NCDN: variants seen among roughly 807,000 people sequenced by gnomAD.
NCDN encodes the protein neurochondrin, also known as norbin.
A neutral mutation model predicts 60.7 loss-of-function variants in NCDN; 9 were observed. The ratio of observed to expected loss-of-function variants is 0.15; its 90% CI spans 0.09 to 0.26. The LOEUF (loss-of-function observed/expected upper bound fraction) is 0.26, where lower values mean the gene tolerates loss of function less well. Ranked by LOEUF, NCDN falls within the 10% of genes least tolerant of loss-of-function variation. The pLI, the probability that NCDN is intolerant of heterozygous loss-of-function variation, is 1.00. For missense variants in NCDN, 578 were observed against 975.2 expected (o/e 0.59, Z 5.42); for synonymous variants, 409 against 442.5 (o/e 0.92, Z 0.95).
chr1:35,560,856 C>T lies in NCDN; in HGVS notation c.705C>T (p.Ala235=), dbSNP rs1425110172. The change falls in exon 3 of 7, where the codon GCC becomes GCT. Residue 235 remains alanine, a synonymous_variant. Coordinates refer to ENST00000373243, the MANE Select transcript of NCDN (RefSeq NM_014284.3). This position sits in a 1 kb window ranked among gnomAD's most constrained non-coding sequence, Gnocchi z 7.6. The stretch of plus-strand genomic sequence containing the variant: ...AGGATTTCCAGAAAGCTGAGGATGC[C>T]AGCAAGTTTGAGCTCTGCCAGCTGC... ...LSEDFQKAED[A]SKFELCQLLP... 1.9e-6 allele frequency: 3 copies of T among 1,614,078 alleles called. No individual in the cohort carries two copies. The highest frequency in any genetic ancestry group is 4.5e-5 in the East Asian group (2 of 44,896).
rs768539494 is a variant in NCDN, at chr1:35,565,703, GGGAAGGA to G, written c.*43_*49del. On this transcript the variant is annotated 3_prime_UTR_variant, in exon 7 of 7. Coordinates refer to ENST00000373243, the MANE Select transcript of NCDN (RefSeq NM_014284.3). This position sits in a 1 kb window ranked among gnomAD's most constrained non-coding sequence, Gnocchi z 8.9. ...GGACAGACCCAGGGGCGGGCAGAGA[GGGAAGGA>G]GGGAGGAGGCATCTTCCCTGAAGCC... The G allele has an allele frequency of 6.7e-7, 1 of 1,502,046 alleles. No homozygotes were observed. Among genetic ancestry groups the G allele is most frequent in the African/African-American group, 1.4e-5 (1 of 72,414 alleles). 93.0% of individuals were successfully genotyped at this position (1,502,046 alleles called of 1,614,324 possible). A position where few individuals can be genotyped will look rare whatever the true frequency, so the allele number is the denominator to read the frequency against.
intron 2 of NCDN, among the ~76,000 whole-genome samples, chr1:35,559,675 G>C (rs1196435453): frequency 1.3e-5 from 2 of 150,986 alleles, no homozygotes; most frequent in Non-Finnish European, 2.9e-5. Flanking sequence ...AGCTAGTTTG[G>C]GGCTTAGCCT....
chr1:35,564,337 A>G (rs182730099), intron 6 of NCDN, among the ~76,000 whole-genome samples: 16 of 151,908 alleles, frequency 1.1e-4, no homozygotes, highest in East Asian at 7.8e-4. Context: ...GTGTCCCTCT[A>G]TGCACACCTT....
Position 35,566,072 on chromosome 1 carries a change from G to A in NCDN, c.*409G>A, listed in dbSNP as rs1648864433. On this transcript the variant is annotated 3_prime_UTR_variant, in exon 7 of 7. Transcript: ENST00000373243. This position sits in a 1 kb window ranked among gnomAD's most constrained non-coding sequence, Gnocchi z 5.3. ...GCCGGCCAGGGCGTGGGCTCCCCTC[G>A]GCTGTGGTGCCTCCTCTGGCCCCCC... 1.0e-5 allele frequency: 2 copies of A among 197,856 alleles called. No homozygotes were observed. The highest frequency in any genetic ancestry group is 2.4e-5 in the African/African-American group (1 of 42,206). The allele number at this position is 197,856 out of a possible 1,614,324, so 12.3% of individuals were successfully genotyped here.
In NCDN at chr1:35,561,015, G is replaced by A. The variant is rs1648685123; in HGVS notation, c.864G>A (p.Leu288=). Residue 288 remains leucine (L), a synonymous_variant, in exon 3 of 7, where the codon CTG becomes CTA. Transcript: ENST00000373243. This position sits in a 1 kb window ranked among gnomAD's most constrained non-coding sequence, Gnocchi z 4.9. ...CTGCACTGAAGCTGGCAGCCCGCCT[G>A]GCACACGCCTGCGGCTCCGACTGGA... is the stretch of plus-strand genomic sequence containing the variant. The part of the protein sequence containing the change: ...RNPALKLAAR[L]AHACGSDWIP... 1 of 1,612,644 alleles carries A rather than the reference G, an allele frequency of 6.2e-7. No homozygotes were observed.
Position 35,562,740 on chromosome 1 carries a change from C to T in NCDN, c.1385+107C>T. On this transcript the variant is annotated intron_variant, in intron 4 of 6. Coordinates refer to ENST00000373243, the MANE Select transcript of NCDN (RefSeq NM_014284.3). This position sits in a 1 kb window ranked among gnomAD's most constrained non-coding sequence, Gnocchi z 6.8. ...AGCTGTGCCAGGCTTCCTGATTGGG[C>T]CATGAGATATCCCTTAGGGTTATTT... 2.8e-6 allele frequency: 4 copies of T among 1,408,028 alleles called. 1 individual carries two copies. In the South Asian group the frequency reaches 5.7e-5, roughly 20 times the overall value. 87.2% of individuals were successfully genotyped at this position (1,408,028 alleles called of 1,614,324 possible).
rs140348877 is a variant in NCDN, at chr1:35,561,126, G to T, written c.975G>T (p.Thr325=). The T allele has an allele frequency of 1.9e-5, 30 of 1,612,584 alleles. No homozygotes were observed. The South Asian group carries it at 1.9e-4, about 10-fold the overall frequency. Residue 325 remains threonine, a synonymous_variant, in exon 3 of 7, where the codon ACG becomes ACT. Coordinates refer to ENST00000373243, the MANE Select transcript of NCDN (RefSeq NM_014284.3). This position sits in a 1 kb window ranked among gnomAD's most constrained non-coding sequence, Gnocchi z 4.9. ...CVEVRLALEE[T]GTEVKEDVVT... ...AAGTGCGGCTGGCACTGGAGGAGAC[G>T]GGCACGGAGGTGAAAGAGGATGTGG...
chr1:35,558,824 TGAG>T lies in NCDN; in HGVS notation c.34-279_34-277del. The T allele has an allele frequency of 1.4e-6, 1 of 731,384 alleles. No homozygotes were observed. The highest frequency in any genetic ancestry group is 1.8e-5 in the African/African-American group (1 of 56,698). 45.3% of individuals were successfully genotyped at this position (731,384 alleles called of 1,614,324 possible). A position where few individuals can be genotyped will look rare whatever the true frequency, so the allele number is the denominator to read the frequency against. ...CTCCCGCCCACCCCCAGGAGACTGG[TGAG>T]GAGAGCTGTCCGGCTGAGCAGCAGC... On this transcript the variant is annotated intron_variant, in intron 1 of 6. Transcript: ENST00000373243. This position sits in a 1 kb window ranked among gnomAD's most constrained non-coding sequence, Gnocchi z 6.3.
chr1:35,562,706 C>A lies in NCDN; in HGVS notation c.1385+73C>A. On this transcript the variant is annotated intron_variant, in intron 4 of 6. Transcript: ENST00000373243. This position sits in a 1 kb window ranked among gnomAD's most constrained non-coding sequence, Gnocchi z 6.8. ...GCGTTAACACAAGGACACCCCTCCCCACAAACTGAGCTGTGCCAGGCTTCC... is the reference window on the plus strand; with the variant it reads ...GCGTTAACACAAGGACACCCCTCCCAACAAACTGAGCTGTGCCAGGCTTCC... The A allele has an allele frequency of 6.6e-7, 1 of 1,516,284 alleles. No individual in the cohort carries two copies. Among genetic ancestry groups the A allele is most frequent in the Non-Finnish European group, 8.9e-7 (1 of 1,127,152 alleles). The allele number at this position is 1,516,284 out of a possible 1,614,324, so 93.9% of individuals were successfully genotyped here.
At position 35,563,332 on chromosome 1, in the gene NCDN, G is replaced by A. The variant is rs768006525; in HGVS notation, c.1516G>A (p.Asp506Asn). ...QQWELTSPGHDTSVLPDSVEI... is the reference protein window; with the variant it reads ...QQWELTSPGHNTSVLPDSVEI... Reference sequence around the variant, plus strand: ...GTGGGAACTCACATCCCCTGGCCACGACACCTCGGTGCTGCCTGACAGCGT... The same window carrying A: ...GTGGGAACTCACATCCCCTGGCCACAACACCTCGGTGCTGCCTGACAGCGT... The change falls in exon 5 of 7, where the codon GAC becomes AAC. Residue 506 changes from aspartate (D) to asparagine (N), a missense_variant. Coordinates refer to ENST00000373243, the MANE Select transcript of NCDN (RefSeq NM_014284.3). The surrounding 1 kb of genome is among the most constrained non-coding windows in gnomAD (Gnocchi z 6.6). 9.9e-6 allele frequency: 16 copies of A among 1,614,164 alleles called. No homozygotes were observed. Among genetic ancestry groups the A allele is most frequent in the South Asian group, 3.3e-5 (3 of 91,080 alleles).
Position 35,557,984 on chromosome 1 carries a change from TCCATCGCGCCATATCGCGACA to T in NCDN, c.-200_-180del, listed in dbSNP as rs996555747. ...CACACCCCGGGGACCCTATCGCGAC[TCCATCGCGCCATATCGCGACA>T]CCATCGTGCCCTGTCGAGACTCCAT... is the stretch of plus-strand genomic sequence containing the variant. On this transcript the variant is annotated 5_prime_UTR_variant, in exon 1 of 7. Coordinates refer to ENST00000373243, the MANE Select transcript of NCDN (RefSeq NM_014284.3). 4 of 757,730 alleles carry T rather than the reference TCCATCGCGCCATATCGCGACA, an allele frequency of 5.3e-6. No homozygotes were observed. The Admixed American group carries it at 8.1e-5, about 15-fold the overall frequency. The allele number at this position is 757,730 out of a possible 1,614,324, so 46.9% of individuals were successfully genotyped here.
Position 35,563,560 on chromosome 1 carries a change from T to TAGG in NCDN, c.1610+136_1610+137insGAG. 1 of 1,096,556 alleles carries TAGG rather than the reference T, an allele frequency of 9.1e-7. No homozygotes were observed. The highest frequency in any genetic ancestry group is 1.3e-6 in the Non-Finnish European group (1 of 760,324). 67.9% of individuals were successfully genotyped at this position (1,096,556 alleles called of 1,614,324 possible). A position where few individuals can be genotyped will look rare whatever the true frequency, so the allele number is the denominator to read the frequency against. On this transcript the variant is annotated intron_variant, in intron 5 of 6. Transcript: ENST00000373243. The surrounding 1 kb of genome is among the most constrained non-coding windows in gnomAD (Gnocchi z 6.6). ...TAGTGGTAGCATGGGGGTCTCAGAG[T>TAGG]AGACATAGCCAGCCCCGCACAAGGA...
chr1:35,558,101 C>T lies in NCDN; in HGVS notation c.-90C>T. 6.4e-7 allele frequency: 1 copy of T among 1,569,852 alleles called. No homozygotes were observed. The highest frequency in any genetic ancestry group is 8.7e-7 in the Non-Finnish European group (1 of 1,143,518). ...GCCCTGTCATCTTTGGGGGCTGTCT[C>T]CCATGTCGTGATTTTGACGTGATCT... On this transcript the variant is annotated 5_prime_UTR_variant, in exon 1 of 7. Coordinates refer to ENST00000373243, the MANE Select transcript of NCDN (RefSeq NM_014284.3). This position sits in a 1 kb window ranked among gnomAD's most constrained non-coding sequence, Gnocchi z 6.3.
chr1:35,563,373 G>A lies in NCDN; in HGVS notation c.1557G>A (p.Gln519=). ...CTGACAGCGTGGAGATTGGCCTGCA[G>A]ACCTGCTGCCACATCTTCCTCAACC... ...VLPDSVEIGL[Q]TCCHIFLNLV... The change falls in exon 5 of 7, where the codon CAG becomes CAA. Residue 519 remains glutamine, a synonymous_variant. Coordinates refer to ENST00000373243, the MANE Select transcript of NCDN (RefSeq NM_014284.3). This position sits in a 1 kb window ranked among gnomAD's most constrained non-coding sequence, Gnocchi z 6.6. 1.2e-6 allele frequency: 2 copies of A among 1,614,186 alleles called. No homozygotes were observed.
In NCDN at chr1:35,561,321, G is replaced by T; in HGVS notation, c.1143+27G>T. The stretch of plus-strand genomic sequence containing the variant: ...TGAGGGTGCAGTGACCCACAGAGGG[G>T]GCCCAGTATGGGGGGAGCCAGTGCT... On this transcript the variant is annotated intron_variant, in intron 3 of 6. Coordinates refer to ENST00000373243, the MANE Select transcript of NCDN (RefSeq NM_014284.3). This position sits in a 1 kb window ranked among gnomAD's most constrained non-coding sequence, Gnocchi z 4.9. 6.4e-7 allele frequency: 1 copy of T among 1,551,592 alleles called. No individual in the cohort carries two copies. The highest frequency in any genetic ancestry group is 2.3e-5 in the East Asian group (1 of 44,412).
Position 35,557,934 on chromosome 1 carries a change from C to T in NCDN, c.-257C>T, listed in dbSNP as rs931594469. The T allele has an allele frequency of 3.9e-5, 25 of 634,608 alleles. No homozygotes were observed. Among genetic ancestry groups the T allele is most frequent in the Non-Finnish European group, 6.4e-5 (23 of 360,478 alleles). The allele number at this position is 634,608 out of a possible 1,614,324, so 39.3% of individuals were successfully genotyped here. A position where few individuals can be genotyped will look rare whatever the true frequency, so the allele number is the denominator to read the frequency against. ...CCCCTGCATCCCAGCCGGGGCCTCTCCGAGCCGGCGCTGATCGATGCCGAC... is the reference window on the plus strand; with the variant it reads ...CCCCTGCATCCCAGCCGGGGCCTCTTCGAGCCGGCGCTGATCGATGCCGAC... On this transcript the variant is annotated 5_prime_UTR_variant, in exon 1 of 7. Coordinates refer to ENST00000373243, the MANE Select transcript of NCDN (RefSeq NM_014284.3).
chr1:35,563,550 G>T lies in NCDN; in HGVS notation c.1610+124G>T. On this transcript the variant is annotated intron_variant, in intron 5 of 6. Coordinates refer to ENST00000373243, the MANE Select transcript of NCDN (RefSeq NM_014284.3). The surrounding 1 kb of genome is among the most constrained non-coding windows in gnomAD (Gnocchi z 6.6). ...ATGGATTTGTTAGTGGTAGCATGGG[G>T]GTCTCAGAGTAGACATAGCCAGCCC... The T allele has an allele frequency of 8.6e-7, 1 of 1,163,844 alleles. No homozygotes were observed. The highest frequency in any genetic ancestry group is 1.2e-6 in the Non-Finnish European group (1 of 817,844). The allele number at this position is 1,163,844 out of a possible 1,614,324, so 72.1% of individuals were successfully genotyped here. A position where few individuals can be genotyped will look rare whatever the true frequency, so the allele number is the denominator to read the frequency against.
chr1:35,559,005 C>T, intron 1 of NCDN, 102 bp from the exon 2 acceptor site: 1 of 1,148,894 alleles, frequency 8.7e-7, no homozygotes, highest in South Asian at 1.4e-5. Context: ...TCCTCCCCTC[C>T]CTCTGTGCTA....
rs978643382 is a variant in NCDN at position 35,566,206 on chromosome 1, C to T, written c.*543C>T. On this transcript the variant is annotated 3_prime_UTR_variant, in exon 7 of 7. Coordinates refer to ENST00000373243, the MANE Select transcript of NCDN (RefSeq NM_014284.3). The surrounding 1 kb of genome is among the most constrained non-coding windows in gnomAD (Gnocchi z 5.3). ...AGTTCTTCCTATCAGCTTCAGTGAC[C>T]CAGGGTCTGAACTGCCTCCATCCTA... The T allele has an allele frequency of 4.2e-5, 7 of 164,924 alleles. No homozygotes were observed. Among genetic ancestry groups the T allele is most frequent in the Admixed American group, 1.8e-4 (3 of 17,070 alleles). 10.2% of individuals were successfully genotyped at this position (164,924 alleles called of 1,614,324 possible).
Sources: gnomAD v4.1 joint callset for allele counts (sites outside exome capture counted in the v4.1 genomes callset) on GRCh38, gnomAD v4.1.1 for gene constraint, Gnocchi (gnomAD v3.1) non-coding constraint, MANE v1.5 for transcripts, NCBI Gene and HGNC (gene_info 2026-07-23, HGNC 2026-07-21) for gene names.